SMCO2: variants seen among roughly 807,000 people sequenced by gnomAD.
The protein encoded by SMCO2 is single-pass membrane and coiled-coil domain-containing protein 2.
Under a neutral mutation model 29.5 loss-of-function variants are expected in SMCO2, and 25 were observed. That is an observed-to-expected ratio of 0.85 (90% CI 0.62 to 1.18). The LOEUF (loss-of-function observed/expected upper bound fraction) is 1.18. Among genes scored for constraint, SMCO2 ranks in the 50% most tolerant of loss-of-function variants. SMCO2 has a pLI of 0.00. For synonymous variants in SMCO2, 117 were observed against 123.3 expected (o/e 0.95, Z 0.34); for missense variants, 348 against 344.5 (o/e 1.01, Z -0.08).
the SMCO2 span, among the ~76,000 whole-genome samples, chr12:27,447,001 G>A: frequency 3.2e-3 from 486 of 152,240 alleles, 1 homozygote; most frequent in African/African-American, 0.011. Context: ...AGTTCCCCAC[G>A]TGATTCTGAC....
intron 1 of SMCO2, among the ~76,000 whole-genome samples, chr12:27,469,213 C>G (rs1949521783): frequency 6.6e-6 from 1 of 152,136 alleles, no homozygotes. Context: ...ACAAAACTGT[C>G]CAGATAGGGG....
chr12:27,482,840 C>T (rs957529438), intron 4 of SMCO2, among the ~76,000 whole-genome samples: 1 of 152,216 alleles, frequency 6.6e-6, no homozygotes, highest in Non-Finnish European at 1.5e-5. Flanking sequence ...AATCCTTCCA[C>T]CTCTGTTTCC....
chr12:27,447,841 C>A, the SMCO2 span, among the ~76,000 whole-genome samples: 1 of 151,922 alleles, frequency 6.6e-6, no homozygotes, highest in Non-Finnish European at 1.5e-5. Flanking sequence ...ATTTGAGAAA[C>A]TGTTTTCGGG....
chr12:27,494,174 G>C, intron 5 of SMCO2, 126 bp from the exon 7 acceptor site: 2 of 552,148 alleles, frequency 3.6e-6, no homozygotes. Context: ...AGAGGAAGAA[G>C]TTTACAAAGT....
intron 4 of SMCO2, among the ~76,000 whole-genome samples, chr12:27,476,564 A>G (rs2135551626): frequency 6.6e-6 from 1 of 152,272 alleles, no homozygotes; most frequent in Admixed American, 6.5e-5. Flanking sequence ...ATATATATTT[A>G]GAATTGTTAT....
chr12:27,479,712 T>A (rs907344046), intron 4 of SMCO2, among the ~76,000 whole-genome samples: 1 of 152,130 alleles, frequency 6.6e-6, no homozygotes, highest in African/African-American at 2.4e-5. Context: ...GTTCACAAGA[T>A]CTGATCGTTT....
intron 1 of SMCO2, among the ~76,000 whole-genome samples, chr12:27,467,522 G>A (rs990858721): frequency 1.3e-5 from 2 of 151,580 alleles, no homozygotes; most frequent in Non-Finnish European, 2.9e-5. Context: ...CCCAGGAAGC[G>A]CTGAGGCTGC....
intron 4 of SMCO2, among the ~76,000 whole-genome samples, chr12:27,478,772 T>C (rs1949613662): frequency 1.4e-5 from 2 of 142,116 alleles, no homozygotes; most frequent in African/African-American, 5.8e-5. Context: ...AAAGCAAGTG[T>C]TGGTACCCTG....
intron 5 of SMCO2, among the ~76,000 whole-genome samples, chr12:27,493,132 G>T (rs7488529): frequency 0.074 from 11,330 of 152,168 alleles, 604 homozygotes; most frequent in African/African-American, 0.15. Context: ...GCCAAATGAT[G>T]AGAATTTATG....
At chr12:27,468,149 G>A (rs1258801911) in intron 1 of SMCO2, among the ~76,000 whole-genome samples, 1 of 152,162 alleles carries the variant, frequency 6.6e-6, no homozygotes, top group Non-Finnish European at 1.5e-5. Context: ...AGGCCCAGCT[G>A]TGAAGTGTTG....
chr12:27,495,513 G>T (rs1040061904), intron 6 of SMCO2, among the ~76,000 whole-genome samples, 167 bp from the exon 8 acceptor site: 3 of 150,634 alleles, frequency 2.0e-5, no homozygotes, highest in East Asian at 3.9e-4. Flanking sequence ...GTGTATGTCT[G>T]CTTCTATTCA....
the SMCO2 span, among the ~76,000 whole-genome samples, chr12:27,431,784 A>G: frequency 6.6e-6 from 1 of 152,240 alleles, no homozygotes; most frequent in African/African-American, 2.4e-5. Flanking sequence ...TTGCTGGATC[A>G]TATGATAATT....
At chr12:27,487,158 T>C (rs757231750) in intron 4 of SMCO2, among the ~76,000 whole-genome samples, 2 of 152,236 alleles carry the variant, frequency 1.3e-5, no homozygotes, top group Non-Finnish European at 1.5e-5. Flanking sequence ...CTTGCATGAC[T>C]ATGACAATCA....
chr12:27,484,503 A>T (rs1197582870), intron 4 of SMCO2, among the ~76,000 whole-genome samples: 1 of 152,194 alleles, frequency 6.6e-6, no homozygotes, highest in East Asian at 1.9e-4. Flanking sequence ...GTATATAATT[A>T]TATACTGACA....
chr12:27,469,627 C>G (rs2135543228), intron 1 of SMCO2, among the ~76,000 whole-genome samples: 1 of 152,332 alleles, frequency 6.6e-6, no homozygotes, highest in East Asian at 1.9e-4. Flanking sequence ...CAATCTACTG[C>G]TATCACTCAC....
upstream of SMCO2, among the ~76,000 whole-genome samples, chr12:27,462,264 G>A (rs148799556): frequency 3.3e-5 from 5 of 152,212 alleles, no homozygotes; most frequent in African/African-American, 9.6e-5. Context: ...AGAGTCTAAC[G>A]GGAGAGTTTC....
the SMCO2 span, among the ~76,000 whole-genome samples, chr12:27,458,710 A>AC: frequency 4.0e-5 from 6 of 151,336 alleles, no homozygotes; most frequent in Non-Finnish European, 8.8e-5. Flanking sequence ...GCATGGTGAA[A>AC]CCCCCATCTC....
At chr12:27,424,916 G>C in the SMCO2 span, 1 of 152,220 alleles carries the variant, frequency 6.6e-6, no homozygotes, top group Non-Finnish European at 1.5e-5. Flanking sequence ...AAGTCAGCCT[G>C]TCTGGTGTGA....
chr12:27,488,003 G>T (rs890646805), intron 4 of SMCO2, among the ~76,000 whole-genome samples: 1 of 151,650 alleles, frequency 6.6e-6, no homozygotes, highest in Non-Finnish European at 1.5e-5. Context: ...CCATATATGT[G>T]CTAAGCAAAT....
Sources: gnomAD v4.1 joint callset for allele counts (sites outside exome capture counted in the v4.1 genomes callset) on GRCh38, gnomAD v4.1.1 for gene constraint, MANE v1.5 for transcripts, NCBI Gene and HGNC (gene_info 2026-07-23, HGNC 2026-07-21) for gene names.